PCDHA9: variants seen among roughly 807,000 people sequenced by gnomAD.
PCDHA9 encodes protocadherin alpha-9.
Under a neutral mutation model 62.0 loss-of-function variants are expected in PCDHA9, and 62 were observed. That is an observed-to-expected ratio of 1.00 (90% CI 0.81 to 1.23). PCDHA9 has a LOEUF of 1.23. PCDHA9 is among the 50% of genes most tolerant of loss of function. The pLI is 0.00. For missense variants in PCDHA9, 1,205 were observed against 1,249.8 expected (o/e 0.96, Z 0.54); for synonymous variants, 557 against 567.6 (o/e 0.98, Z 0.27).
chr5:140,988,818 CCAAA>C (rs1193685505), intron 3 of PCDHA9: 2 of 152,060 alleles, frequency 1.3e-5, no homozygotes, highest in Non-Finnish European at 2.9e-5. Flanking sequence ...AACAGTAGCC[CCAAA>C]CAGAGATCAC....
chr5:140,998,646 C>G (rs1413467899), intron 3 of PCDHA9, among the ~76,000 whole-genome samples: 1 of 151,870 alleles, frequency 6.6e-6, no homozygotes, highest in Non-Finnish European at 1.5e-5. Flanking sequence ...CTCACTGCAA[C>G]CTCTGCCTCC....
chr5:141,007,416 AAATT>A (rs2098327486), intron 3 of PCDHA9, among the ~76,000 whole-genome samples: 1 of 149,348 alleles, frequency 6.7e-6, no homozygotes, highest in Non-Finnish European at 1.5e-5. Context: ...AAAAAAAAAA[AAATT>A]AGCCAGGCAT....
At chr5:140,852,693 C>G in intron 1 of PCDHA9, 2 of 973,482 alleles carry the variant, frequency 2.1e-6, no homozygotes, top group Non-Finnish European at 2.5e-6. Flanking sequence ...TAGTCTTATA[C>G]TTTCAAGTAT....
chr5:140,876,660 G>A, intron 1 of PCDHA9: 1 of 1,614,216 alleles, frequency 6.2e-7, no homozygotes, highest in Non-Finnish European at 8.5e-7. Flanking sequence ...TTCCCTTCAA[G>A]CTGGTGTCCA....
intron 3 of PCDHA9, among the ~76,000 whole-genome samples, chr5:140,990,983 A>G (rs3776109): frequency 0.049 from 7,423 of 152,298 alleles, 240 homozygotes; most frequent in South Asian, 0.11. Flanking sequence ...AAAGGAAGAC[A>G]ATAGCTACCA....
chr5:140,875,751 G>A lies in PCDHA9; in HGVS notation c.2394+24862G>A, dbSNP rs781862261. On this transcript the variant is annotated intron_variant, in intron 1 of 3. Transcript: ENST00000532602. ...TTGTGAATTCTCGGATCGACCGCGA[G>A]AAGCTGTGCGGGCGGAGCGCGGAGT... 1.9e-6 allele frequency: 3 copies of A among 1,614,278 alleles called. No individual in the cohort carries two copies. In the South Asian group the frequency reaches 3.3e-5, roughly 18 times the overall value.
intron 3 of PCDHA9, among the ~76,000 whole-genome samples, chr5:140,994,850 CAT>C (rs10584145): frequency 0.01 from 1,553 of 152,082 alleles, 27 homozygotes; most frequent in African/African-American, 0.036. Flanking sequence ...AAGATGAGTG[CAT>C]TTGATGGATG....
intron 1 of PCDHA9, among the ~76,000 whole-genome samples, chr5:140,959,954 A>G (rs1054998147): frequency 6.6e-6 from 1 of 152,198 alleles, no homozygotes; most frequent in East Asian, 1.9e-4. Context: ...TATCATAGGT[A>G]GGAGGTAGAT....
In PCDHA9 at chr5:140,966,999, G is replaced by A. The variant is rs782081862; in HGVS notation, c.2395-11950G>A. 115 of 1,604,458 alleles carry A rather than the reference G, an allele frequency of 7.2e-5. No homozygotes were observed. The highest frequency in any genetic ancestry group is 8.8e-5 in the Non-Finnish European group (104 of 1,177,324). ...CGGCGCTTGGGGCCGGGTTGCTTGC[G>A]CATCAACCATCTGGGTGCGCCCAGT... On this transcript the variant is annotated intron_variant, in intron 1 of 3. Transcript: ENST00000532602.
chr5:140,897,289 C>T (rs1027792864), intron 1 of PCDHA9, among the ~76,000 whole-genome samples: 2 of 150,912 alleles, frequency 1.3e-5, no homozygotes, highest in Non-Finnish European at 3.0e-5. Flanking sequence ...CCCATTAACT[C>T]GTCATTTAGC....
In PCDHA9 at chr5:140,876,944, C is replaced by T. The variant is rs550148099; in HGVS notation, c.2394+26055C>T. On this transcript the variant is annotated intron_variant, in intron 1 of 3. Transcript: ENST00000532602. ...GACGCGCAGAAGAACGCGCTGGTGT[C>T]CTACTCGCTGGTGGAGCGGCGGGTG... is the stretch of plus-strand genomic sequence containing the variant. The T allele has an allele frequency of 9.9e-6, 16 of 1,613,620 alleles. No individual in the cohort carries two copies. In the South Asian group the frequency reaches 1.5e-4, roughly 16 times the overall value.
chr5:140,851,156 T>C (rs1174677153), intron 1 of PCDHA9: 2 of 1,302,318 alleles, frequency 1.5e-6, no homozygotes, highest in South Asian at 2.6e-5. Context: ...GAATTTCTGA[T>C]GCTATGCTGC....
At chr5:140,902,854 C>T (rs186872091) in intron 1 of PCDHA9, among the ~76,000 whole-genome samples, 154 of 152,240 alleles carry the variant, frequency 1.0e-3, no homozygotes, top group Middle Eastern at 3.4e-3. Flanking sequence ...AGAAAAATGG[C>T]GTCCAGGTCC....
Position 140,848,615 on chromosome 5 carries a change from A to G in PCDHA9, c.120A>G (p.Glu40=). The G allele has an allele frequency of 6.3e-7, 1 of 1,593,618 alleles. No individual in the cohort carries two copies. The highest frequency in any genetic ancestry group is 2.2e-5 in the East Asian group (1 of 44,826). ...ACTACTCCGTCCCGGAGGAAGCCGA[A>G]CACGGCACCTTCGTGGGCCGCATCG... ...QLHYSVPEEA[E]HGTFVGRIAQ... The change falls in exon 1 of 4, where the codon GAA becomes GAG. Residue 40 remains glutamate (E), a synonymous_variant. Transcript: ENST00000532602.
intron 1 of PCDHA9, among the ~76,000 whole-genome samples, chr5:140,963,504 G>T (rs1044640224): frequency 4.6e-5 from 7 of 152,222 alleles, no homozygotes; most frequent in Admixed American, 1.3e-4. Flanking sequence ...CAAATCTCTT[G>T]AAGGGGTTCT....
chr5:140,919,926 TG>T (rs1366281727), intron 1 of PCDHA9, among the ~76,000 whole-genome samples: 3 of 152,088 alleles, frequency 2.0e-5, no homozygotes, highest in African/African-American at 7.2e-5. Flanking sequence ...AATTTTCAGG[TG>T]GGGGCTAATT....
intron 1 of PCDHA9, chr5:140,927,229 C>G (rs781833160): frequency 1.2e-6 from 2 of 1,614,008 alleles, no homozygotes; most frequent in African/African-American, 1.3e-5. Context: ...GATTCGGATT[C>G]ACGTCCTGGA....
intron 1 of PCDHA9, among the ~76,000 whole-genome samples, chr5:140,942,479 A>G (rs1341688235): frequency 6.6e-6 from 1 of 152,154 alleles, no homozygotes; most frequent in East Asian, 1.9e-4. Flanking sequence ...TTCAAGCTAC[A>G]ACTGAAATAA....
At chr5:140,991,847 G>A (rs1375292594) in intron 3 of PCDHA9, among the ~76,000 whole-genome samples, 1 of 152,162 alleles carries the variant, frequency 6.6e-6, no homozygotes, top group African/African-American at 2.4e-5. Flanking sequence ...CGCACTTCCA[G>A]ATACCAAAAT....
Sources: allele counts gnomAD v4.1 joint callset (sites outside exome capture counted in the v4.1 genomes callset), GRCh38; gene constraint gnomAD v4.1.1; transcripts MANE v1.5; gene names NCBI Gene and HGNC (gene_info 2026-07-23, HGNC 2026-07-21).